KIF21A: variants seen among roughly 807,000 people sequenced by gnomAD.
KIF21A encodes kinesin family member 21A.
A neutral mutation model predicts 202.9 loss-of-function variants in KIF21A; 114 were observed. The ratio of observed to expected loss-of-function variants is 0.56; its 90% confidence interval spans 0.48 to 0.66. KIF21A has a LOEUF of 0.66. Ranked by LOEUF, KIF21A falls within the 30% of genes least tolerant of loss-of-function variation. The pLI, the probability that KIF21A is intolerant of heterozygous loss-of-function variation, is 0.00. For missense variants in KIF21A, 1,677 were observed against 1,994.9 expected, an observed-to-expected ratio of 0.84 and a Z score of 3.04; for synonymous variants, 667 against 670.8, an observed-to-expected ratio of 0.99 and a Z score of 0.09.
intron 16 of KIF21A, among the ~76,000 whole-genome samples, chr12:39,339,893 T>C (rs1410838021): frequency 6.6e-6 from 1 of 152,224 alleles, no homozygotes; most frequent in African/African-American, 2.4e-5. Context: ...TTTATACTTT[T>C]GTTAAGCTTG....
chr12:39,378,048 C>G (rs547992325), intron 1 of KIF21A, among the ~76,000 whole-genome samples: 11 of 152,266 alleles, frequency 7.2e-5, no homozygotes, highest in African/African-American at 2.2e-4. Flanking sequence ...ATAGCTAATG[C>G]TTCTGGCTGC....
intron 11 of KIF21A, among the ~76,000 whole-genome samples, chr12:39,347,430 T>TA (rs1276278356): frequency 5.3e-5 from 8 of 152,090 alleles, no homozygotes; most frequent in Admixed American, 3.3e-4. Flanking sequence ...ACAGATGTGC[T>TA]AGGCTCTGAT....
intron 7 of KIF21A, among the ~76,000 whole-genome samples, chr12:39,359,011 A>G (rs1184557982): frequency 6.6e-6 from 1 of 152,182 alleles, no homozygotes; most frequent in Non-Finnish European, 1.5e-5. Flanking sequence ...TTTGTATGTT[A>G]TGTTTGTAAA....
intron 1 of KIF21A, among the ~76,000 whole-genome samples, chr12:39,440,292 C>T (rs749509574): frequency 2.6e-5 from 4 of 152,124 alleles, no homozygotes; most frequent in South Asian, 2.1e-4. Flanking sequence ...CTCTCACTTC[C>T]GCAGGGTTAA....
At chr12:39,407,850 CT>C (rs1181296165) in intron 1 of KIF21A, among the ~76,000 whole-genome samples, 1 of 151,016 alleles carries the variant, frequency 6.6e-6, no homozygotes, top group Non-Finnish European at 1.5e-5. Context: ...CTCAATTGGC[CT>C]TTTACATATT....
intron 1 of KIF21A, among the ~76,000 whole-genome samples, chr12:39,400,053 T>C (rs1054715968): frequency 6.6e-6 from 1 of 152,164 alleles, no homozygotes; most frequent in Non-Finnish European, 1.5e-5. Context: ...TGCTAATAAG[T>C]GAAAACACTA....
chr12:39,428,934 G>A (rs565838796), intron 1 of KIF21A, among the ~76,000 whole-genome samples: 1 of 150,180 alleles, frequency 6.7e-6, no homozygotes, highest in Non-Finnish European at 1.5e-5. Context: ...CTCCAGCCTG[G>A]TGACAGAGAG....
intron 1 of KIF21A, among the ~76,000 whole-genome samples, chr12:39,406,095 A>C (rs745988064): frequency 6.6e-6 from 1 of 152,180 alleles, no homozygotes; most frequent in African/African-American, 2.4e-5. Flanking sequence ...AAGTAACAGA[A>C]CAGAGCCTGA....
At chr12:39,399,098 A>G (rs1167968618) in intron 1 of KIF21A, among the ~76,000 whole-genome samples, 1 of 152,140 alleles carries the variant, frequency 6.6e-6, no homozygotes, top group African/African-American at 2.4e-5. Context: ...ATGCACCTGT[A>G]GTCCCAGCTA....
At chr12:39,417,714 T>A (rs1449050605) in intron 1 of KIF21A, among the ~76,000 whole-genome samples, 3 of 152,044 alleles carry the variant, frequency 2.0e-5, no homozygotes, top group Admixed American at 6.6e-5. Flanking sequence ...ATGACACTAT[T>A]ATATTCGGTC....
chr12:39,315,456 G>A (rs1285700686), intron 30 of KIF21A, among the ~76,000 whole-genome samples: 3 of 151,676 alleles, frequency 2.0e-5, no homozygotes, highest in South Asian at 2.1e-4. Flanking sequence ...CTTCCTTAGT[G>A]TTTATTTCCT....
intron 32 of KIF21A, among the ~76,000 whole-genome samples, chr12:39,310,196 T>C (rs368616086): frequency 2.0e-5 from 3 of 152,226 alleles, no homozygotes; most frequent in East Asian, 3.9e-4. Flanking sequence ...CAATGATTGA[T>C]AAATTATATT....
In KIF21A at chr12:39,326,233, T is replaced by A. The variant is rs761519527; in HGVS notation, c.3401+31A>T. The A allele has an allele frequency of 2.0e-6, 3 of 1,475,884 alleles. No individual in the cohort carries two copies. The East Asian group carries it at 6.8e-5, about 33-fold the overall frequency. The allele number at this position is 1,475,884 out of a possible 1,614,324, so 91.4% of individuals were successfully genotyped here. A position where few individuals can be genotyped will look rare whatever the true frequency, so the allele number is the denominator to read the frequency against. ...AAAGTATTTAAAATATGTAAATAAGTCAACTCTATTGTTTCTAAAGGCCTT... is the reference window on the plus strand; with the variant it reads ...AAAGTATTTAAAATATGTAAATAAGACAACTCTATTGTTTCTAAAGGCCTT... On this transcript the variant is annotated intron_variant, in intron 25 of 37. Transcript: ENST00000361418.
chr12:39,332,242 G>C lies in KIF21A; in HGVS notation c.3023C>G (p.Ala1008Gly). ...YINDSISDCQ[A>G]NIMQMEEAKE... ...TGCTTCTTCCATCTGCATTATGTTGGCCTGACAATCAGAAATACTGTCATT... is the reference window on the plus strand; with the variant it reads ...TGCTTCTTCCATCTGCATTATGTTGCCCTGACAATCAGAAATACTGTCATT... Residue 1008 changes from alanine (A) to glycine (G), a missense_variant, in exon 21 of 38, where the codon GCC (alanine) becomes GGC (glycine). Ala to Gly is a moderately conservative substitution (Grantham distance 60, BLOSUM62 0). Coordinates refer to ENST00000361418, the MANE Select transcript of KIF21A (RefSeq NM_001173464.2). The C allele has an allele frequency of 1.2e-6, 2 of 1,613,670 alleles. No homozygotes were observed. The highest frequency in any genetic ancestry group is 1.7e-6 in the Non-Finnish European group (2 of 1,179,862).
chr12:39,439,964 T>G (rs1441358635), intron 1 of KIF21A, among the ~76,000 whole-genome samples: 1 of 133,514 alleles, frequency 7.5e-6, no homozygotes, highest in Non-Finnish European at 1.5e-5. Flanking sequence ...TTTCCACAAT[T>G]ATATTATTCA....
intron 7 of KIF21A, among the ~76,000 whole-genome samples, 198 bp from the exon 8 acceptor site, chr12:39,358,571 T>C (rs1318837159): frequency 6.6e-6 from 1 of 152,248 alleles, no homozygotes; most frequent in Non-Finnish European, 1.5e-5. Flanking sequence ...ATTGATATTA[T>C]TCACCTTTGA....
chr12:39,309,094 T>G (rs1471068425), intron 33 of KIF21A, among the ~76,000 whole-genome samples: 2 of 152,122 alleles, frequency 1.3e-5, no homozygotes, highest in African/African-American at 4.8e-5. Flanking sequence ...CAAAATAACC[T>G]GCAGTTATGA....
chr12:39,432,446 C>T (rs1347640012), intron 1 of KIF21A, among the ~76,000 whole-genome samples: 1 of 151,922 alleles, frequency 6.6e-6, no homozygotes, highest in Non-Finnish European at 1.5e-5. Flanking sequence ...CAGCATAGTT[C>T]CTATAAAAAT....
At chr12:39,378,853 G>A (rs1950428246) in intron 1 of KIF21A, among the ~76,000 whole-genome samples, 1 of 152,196 alleles carries the variant, frequency 6.6e-6, no homozygotes, top group South Asian at 2.1e-4. Context: ...GAGGGTAATG[G>A]GGGAGGAACA....
Sources: allele counts gnomAD v4.1 joint callset (sites outside exome capture counted in the v4.1 genomes callset), GRCh38; gene constraint gnomAD v4.1.1; transcripts MANE v1.5; gene names NCBI Gene and HGNC (gene_info 2026-07-23, HGNC 2026-07-21).